LRRTM4: variants seen among roughly 807,000 people sequenced by gnomAD.
LRRTM4 encodes the protein leucine-rich repeat transmembrane neuronal protein 4.
In LRRTM4, 25 loss-of-function variants were observed where a neutral mutation model predicts 47.6. The ratio of observed to expected loss-of-function variants is 0.53; its 90% confidence interval spans 0.38 to 0.73. The LOEUF is 0.73. Ranked by LOEUF, LRRTM4 falls within the 30% of genes least tolerant of loss-of-function variation. The probability of loss-of-function intolerance (pLI) is 0.00; values close to 1 mark genes in which losing one functional copy is unlikely to be tolerated. For missense variants in LRRTM4, 638 were observed against 713.4 expected (o/e 0.89, Z 1.20); for synonymous variants, 311 against 269.5 (o/e 1.15, Z -1.51).
chr2:77,501,247 G>A (rs12713915), intron 3 of LRRTM4, among the ~76,000 whole-genome samples: 49,006 of 150,238 alleles, frequency 0.33, 8,136 homozygotes, highest in Middle Eastern at 0.34. Flanking sequence ...GATTAACTAA[G>A]CAGTATGCCA....
At chr2:77,521,920 G>A (rs2104143439) in intron 1 of LRRTM4, 102 bp from the exon 2 acceptor site, 1 of 523,578 alleles carries the variant, frequency 1.9e-6, no homozygotes, top group Non-Finnish European at 3.4e-6. Context: ...ATGGTTGTGG[G>A]GGCAGGGAAA....
chr2:77,078,979 T>G (rs975750833), intron 3 of LRRTM4, among the ~76,000 whole-genome samples: 2 of 152,172 alleles, frequency 1.3e-5, no homozygotes, highest in African/African-American at 4.8e-5. Context: ...TGGGCTCCCT[T>G]GAGCCTATTT....
chr2:77,215,302 T>C (rs1016042751), intron 3 of LRRTM4, among the ~76,000 whole-genome samples: 1 of 152,150 alleles, frequency 6.6e-6, no homozygotes, highest in South Asian at 2.1e-4. Context: ...TAAAAGCAAG[T>C]CACACTTAAA....
At chr2:77,365,302 C>T (rs1014610206) in intron 3 of LRRTM4, among the ~76,000 whole-genome samples, 4 of 152,044 alleles carry the variant, frequency 2.6e-5, no homozygotes, top group Non-Finnish European at 5.9e-5. Flanking sequence ...AAGTTTAGCT[C>T]TATTTCCAGA....
chr2:77,431,757 A>G (rs1313108052), intron 3 of LRRTM4, among the ~76,000 whole-genome samples: 2 of 149,052 alleles, frequency 1.3e-5, no homozygotes, highest in Non-Finnish European at 2.9e-5. Context: ...TCTCAATTCT[A>G]AAATGCAGAA....
At chr2:76,791,831 A>C (rs1674989910) in intron 3 of LRRTM4, among the ~76,000 whole-genome samples, 1 of 152,232 alleles carries the variant, frequency 6.6e-6, no homozygotes, top group African/African-American at 2.4e-5. Context: ...AAATCAAGTC[A>C]AAACATTGTA....
chr2:76,751,620 A>G (rs1374772841), intron 3 of LRRTM4, among the ~76,000 whole-genome samples: 1 of 151,952 alleles, frequency 6.6e-6, no homozygotes, highest in African/African-American at 2.4e-5. Flanking sequence ...TTTTGTTTTT[A>G]TTATATCTTA....
intron 3 of LRRTM4, among the ~76,000 whole-genome samples, chr2:76,794,655 TTTATTTTCTTC>T (rs1186380423): frequency 6.6e-6 from 1 of 152,196 alleles, no homozygotes; most frequent in Non-Finnish European, 1.5e-5. Context: ...CATTTTTTTG[TTTATTTTCTTC>T]TTATTCCAGA....
At chr2:77,073,755 GTC>G (rs557369367) in intron 3 of LRRTM4, among the ~76,000 whole-genome samples, 9 of 150,298 alleles carry the variant, frequency 6.0e-5, no homozygotes, top group African/African-American at 2.2e-4. Flanking sequence ...GTTTTTTTCT[GTC>G]TCTCTCTCTC....
chr2:77,232,229 C>T (rs922636425), intron 3 of LRRTM4, among the ~76,000 whole-genome samples: 2 of 152,164 alleles, frequency 1.3e-5, no homozygotes, highest in African/African-American at 2.4e-5. Flanking sequence ...GATTTCTGAT[C>T]GGACCTTCCT....
chr2:76,771,167 T>A (rs1435466619), intron 3 of LRRTM4, among the ~76,000 whole-genome samples: 1 of 152,158 alleles, frequency 6.6e-6, no homozygotes, highest in Non-Finnish European at 1.5e-5. Flanking sequence ...GAAAATACAG[T>A]GACACAATCA....
At chr2:77,170,502 T>G (rs1039886593) in intron 3 of LRRTM4, among the ~76,000 whole-genome samples, 8 of 152,194 alleles carry the variant, frequency 5.3e-5, no homozygotes, top group African/African-American at 1.9e-4. Flanking sequence ...TAGAGAAACC[T>G]GGGTGAGACT....
intron 3 of LRRTM4, among the ~76,000 whole-genome samples, chr2:77,257,839 T>C (rs961664454): frequency 6.6e-6 from 1 of 151,848 alleles, no homozygotes; most frequent in Non-Finnish European, 1.5e-5. Flanking sequence ...AGATATTCAA[T>C]AGCAATACCC....
At chr2:77,219,389 C>G (rs1001773732) in intron 3 of LRRTM4, among the ~76,000 whole-genome samples, 1 of 152,056 alleles carries the variant, frequency 6.6e-6, no homozygotes, top group East Asian at 1.9e-4. Context: ...ACAAAAAACA[C>G]CAGAAGGCCT....
At chr2:77,412,356 T>C (rs1194891695) in intron 3 of LRRTM4, among the ~76,000 whole-genome samples, 3 of 152,178 alleles carry the variant, frequency 2.0e-5, no homozygotes, top group Non-Finnish European at 4.4e-5. Flanking sequence ...ATATGTTCCA[T>C]TCCTAAGAGT....
chr2:76,961,883 A>C (rs1675872604), intron 3 of LRRTM4, among the ~76,000 whole-genome samples: 1 of 151,340 alleles, frequency 6.6e-6, no homozygotes, highest in Non-Finnish European at 1.5e-5. Context: ...CTTAAAGTTG[A>C]GAAATAAGAC....
rs115648017 is a variant in LRRTM4 at position 77,379,485 on chromosome 2, C to T, written c.1551+138833G>A. ...TCTTCCCACACACGGCATGTTGTCG[C>T]TGTTCTTTATTTTACCTCCACCTTG... is the stretch of plus-strand genomic sequence containing the variant. On this transcript the variant is annotated intron_variant, in intron 3 of 3. Transcript: ENST00000409884. Among the ~76,000 whole-genome samples the T allele has an allele frequency of 3.2e-3, 492 of 152,212 alleles. 3 individuals carry two copies. Among genetic ancestry groups the T allele is most frequent in the Non-Finnish European group, 5.2e-3 (353 of 68,004 alleles).
chr2:76,897,132 C>T lies in LRRTM4; in HGVS notation c.1552-148216G>A, dbSNP rs1307846922. Among the ~76,000 whole-genome samples, 3 of 152,190 alleles carry T rather than the reference C, an allele frequency of 2.0e-5. No homozygotes were observed. In the South Asian group the frequency reaches 6.2e-4, roughly 32 times the overall value. Reference sequence around the variant, plus strand: ...CTCCAATGAGTTTGAAAGCAATACACGTACTCTGAGAACTTGTGATGACAA... The same window carrying T: ...CTCCAATGAGTTTGAAAGCAATACATGTACTCTGAGAACTTGTGATGACAA... On this transcript the variant is annotated intron_variant, in intron 3 of 3. Coordinates refer to ENST00000409884, the MANE Select transcript of LRRTM4 (RefSeq NM_001134745.3).
intron 3 of LRRTM4, among the ~76,000 whole-genome samples, chr2:77,000,481 G>T (rs751684028): frequency 6.6e-6 from 1 of 152,172 alleles, no homozygotes; most frequent in Non-Finnish European, 1.5e-5. Flanking sequence ...TCTACAACAC[G>T]TAAGTAGTAA....
Sources: allele counts gnomAD v4.1 joint callset (sites outside exome capture counted in the v4.1 genomes callset), GRCh38; gene constraint gnomAD v4.1.1; transcripts MANE v1.5; gene names NCBI Gene and HGNC (gene_info 2026-07-23, HGNC 2026-07-21).